The following SLC4A4 variants were observed in gnomAD, a reference collection of about 807,000 sequenced individuals.
SLC4A4 encodes the protein solute carrier family 4 member 4, also known as electrogenic sodium bicarbonate cotransporter 1.
A neutral mutation model predicts 111.5 loss-of-function variants in SLC4A4; 27 were observed. The ratio of observed to expected loss-of-function variants is 0.24; its 90% CI spans 0.18 to 0.33. The LOEUF (loss-of-function observed/expected upper bound fraction) is 0.33, where lower values mean the gene tolerates loss of function less well. Ranked by LOEUF, SLC4A4 falls within the 10% of genes least tolerant of loss-of-function variation. The pLI is 1.00. For missense variants in SLC4A4, 909 were observed against 1,315.5 expected (o/e 0.69, Z 4.78); for synonymous variants, 443 against 463.4 (o/e 0.96, Z 0.57).
chr4:71,103,564 AAACT>A (rs1742825342), intron 2 of SLC4A4, among the ~76,000 whole-genome samples: 2 of 152,234 alleles, frequency 1.3e-5, no homozygotes, highest in East Asian at 1.9e-4. Context: ...AGATTGTAAC[AAACT>A]ATCTCTCAGA....
At chr4:71,560,379 T>C (rs1736864397) in intron 23 of SLC4A4, 125 bp downstream of exon 23, 26 of 1,089,698 alleles carry the variant, frequency 2.4e-5, no homozygotes, top group Non-Finnish European at 3.3e-5. Flanking sequence ...ACATGTGGTG[T>C]ATTACTCATT....
intron 21 of SLC4A4, among the ~76,000 whole-genome samples, 198 bp from the exon 22 acceptor site, chr4:71,557,514 G>A (rs766033344): frequency 2.5e-4 from 38 of 151,676 alleles, no homozygotes; most frequent in Non-Finnish European, 1.3e-4. Flanking sequence ...TAACATTCCC[G>A]CAATATAATA....
intron 16 of SLC4A4, among the ~76,000 whole-genome samples, chr4:71,518,543 G>A (rs576583458): frequency 5.9e-5 from 9 of 152,220 alleles, no homozygotes; most frequent in African/African-American, 2.2e-4. Context: ...TGGAGCCTGA[G>A]GCCACAGGGG....
At chr4:71,188,315 T>G (rs1469079978) in intron 1 of SLC4A4, among the ~76,000 whole-genome samples, 1 of 152,188 alleles carries the variant, frequency 6.6e-6, no homozygotes. Flanking sequence ...GTAAAACTGT[T>G]TTTTTCTATC....
chr4:71,091,197 C>G (rs1007099507), intron 1 of SLC4A4, among the ~76,000 whole-genome samples: 50 of 151,552 alleles, frequency 3.3e-4, no homozygotes, highest in African/African-American at 1.2e-3. Context: ...ATCCACCCAC[C>G]TTGGCCTTTC....
intron 12 of SLC4A4, among the ~76,000 whole-genome samples, chr4:71,460,563 C>T (rs186270150): frequency 6.6e-6 from 1 of 152,190 alleles, no homozygotes; most frequent in African/African-American, 2.4e-5. Flanking sequence ...CGACAAAGTA[C>T]TTTAGGCAGA....
chr4:71,470,223 T>C (rs1269207143), intron 13 of SLC4A4, among the ~76,000 whole-genome samples: 1 of 152,016 alleles, frequency 6.6e-6, no homozygotes, highest in Non-Finnish European at 1.5e-5. Flanking sequence ...CACATAGGCA[T>C]GCATAGGATG....
chr4:71,409,869 G>A (rs1258145168), intron 7 of SLC4A4, among the ~76,000 whole-genome samples: 1 of 152,204 alleles, frequency 6.6e-6, no homozygotes, highest in Non-Finnish European at 1.5e-5. Context: ...TGCAGCCTAG[G>A]GATTTGGTGC....
chr4:71,466,455 G>A lies in SLC4A4; in HGVS notation c.1509G>A (p.Glu503=). 1.2e-6 allele frequency: 2 copies of A among 1,613,604 alleles called. No homozygotes were observed. Among genetic ancestry groups the A allele is most frequent in the Non-Finnish European group, 1.7e-6 (2 of 1,179,646 alleles). The change falls in exon 13 of 26, where the codon GAG becomes GAA. Residue 503 remains glutamate (E), a synonymous_variant. Coordinates refer to ENST00000264485, the MANE Select transcript of SLC4A4 (RefSeq NM_001098484.3). ...TTTCTTTATTTTAGGGCGTGTTGGAGAGTTTCCTGGGCACTGCTGTCTCTG... is the reference window on the plus strand; with the variant it reads ...TTTCTTTATTTTAGGGCGTGTTGGAAAGTTTCCTGGGCACTGCTGTCTCTG... ...DATDNMQGVL[E]SFLGTAVSGA... is the part of the protein sequence containing the mutation.
chr4:71,462,415 CTTTTTTTTT>C (rs869306669), intron 12 of SLC4A4, among the ~76,000 whole-genome samples: 1 of 121,894 alleles, frequency 8.2e-6, no homozygotes, highest in Non-Finnish European at 1.7e-5. Flanking sequence ...ACCTCCTCAT[CTTTTTTTTT>C]TTTTTTTTTT....
At chr4:71,496,911 A>G (rs1730464008) in intron 15 of SLC4A4, among the ~76,000 whole-genome samples, 2 of 152,264 alleles carry the variant, frequency 1.3e-5, no homozygotes, top group East Asian at 1.9e-4. Flanking sequence ...AAAAAAATCT[A>G]TACTTTATTA....
intron 2 of SLC4A4, among the ~76,000 whole-genome samples, chr4:71,246,567 A>C (rs1578667929): frequency 6.6e-6 from 1 of 152,192 alleles, no homozygotes; most frequent in Admixed American, 6.5e-5. Context: ...AAGTGGGAAG[A>C]CAGATGTCCC....
At chr4:71,137,489 A>G (rs964540678) in intron 2 of SLC4A4, among the ~76,000 whole-genome samples, 4 of 152,206 alleles carry the variant, frequency 2.6e-5, no homozygotes, top group Non-Finnish European at 5.9e-5. Context: ...GAACATGACC[A>G]CTGCATTCCT....
At chr4:71,475,417 T>C (rs535555516) in intron 14 of SLC4A4, among the ~76,000 whole-genome samples, 9 of 152,048 alleles carry the variant, frequency 5.9e-5, no homozygotes, top group Admixed American at 2.6e-4. Flanking sequence ...ATCTTTGTTT[T>C]TTTTGAAAAA....
At chr4:71,466,967 GAGAGAGA>G (rs1727414661) in intron 13 of SLC4A4, among the ~76,000 whole-genome samples, 1 of 82,136 alleles carries the variant, frequency 1.2e-5, no homozygotes, top group Non-Finnish European at 2.2e-5. Context: ...GAGAGAGAGG[GAGAGAGA>G]GAGAGGTCTG....
In SLC4A4 at chr4:71,560,233, T is replaced by A; in HGVS notation, c.3078T>A (p.Ser1026Arg). The A allele has an allele frequency of 6.2e-7, 1 of 1,609,198 alleles. No homozygotes were observed. Among genetic ancestry groups the A allele is most frequent in the Non-Finnish European group, 8.5e-7 (1 of 1,177,162 alleles). ...AGAAAAAGAAAAAGAAGAAGGGAAG[T>A]CTGGACAGTGACAATGATGATGTAA... ...DEKKKKKKKG[S>R]LDSDNDDSDC... Residue 1026 changes from serine to arginine, a missense_variant, in exon 23 of 26, where the codon AGT becomes AGA. Physicochemically the swap from Ser to Arg is moderately radical, Grantham distance 110. Transcript: ENST00000264485.
At chr4:71,451,629 G>A (rs376361632) in intron 11 of SLC4A4, among the ~76,000 whole-genome samples, 1 of 152,142 alleles carries the variant, frequency 6.6e-6, no homozygotes, top group Non-Finnish European at 1.5e-5. Flanking sequence ...GGTCAGAGAA[G>A]GCCTTACAAA....
At chr4:71,527,518 G>A (rs1317765883) in intron 16 of SLC4A4, among the ~76,000 whole-genome samples, 1 of 151,986 alleles carries the variant, frequency 6.6e-6, no homozygotes, top group Non-Finnish European at 1.5e-5. Context: ...CCAGGGAAGA[G>A]GAGCCAGGGG....
intron 2 of SLC4A4, among the ~76,000 whole-genome samples, chr4:71,128,304 C>T (rs948663408): frequency 5.4e-4 from 82 of 152,206 alleles, no homozygotes; most frequent in African/African-American, 1.9e-3. Flanking sequence ...CGTCAGATCT[C>T]GTGAGACCCA....
Sources: allele counts gnomAD v4.1 joint callset (sites outside exome capture counted in the v4.1 genomes callset), GRCh38; gene constraint gnomAD v4.1.1; transcripts MANE v1.5; gene names NCBI Gene and HGNC (gene_info 2026-07-23, HGNC 2026-07-21).